The following BCKDHB variants were observed in gnomAD, a reference collection of about 807,000 sequenced individuals.
The protein encoded by BCKDHB is branched chain keto acid dehydrogenase E1 subunit beta.
BCKDHB carries 41 observed loss-of-function variants against 48.5 expected under a neutral mutation model. The ratio of observed to expected loss-of-function variants is 0.85; its 90% confidence interval spans 0.66 to 1.10. BCKDHB has a LOEUF of 1.10. Ranked by LOEUF, BCKDHB falls within the 50% of genes least tolerant of loss-of-function variation. The pLI, the probability that BCKDHB is intolerant of heterozygous loss-of-function variation, is 0.00. For missense variants in BCKDHB, 496 were observed against 494.2 expected (o/e 1.00, Z -0.03); for synonymous variants, 201 against 174.8 (o/e 1.15, Z -1.18).
chr6:80,343,123 TG>T (rs1770004504), intron 9 of BCKDHB, among the ~76,000 whole-genome samples: 1 of 152,168 alleles, frequency 6.6e-6, no homozygotes, highest in African/African-American at 2.4e-5. Context: ...GCTGTGGACT[TG>T]GGGTGTGAGT....
the BCKDHB span, among the ~76,000 whole-genome samples, chr6:80,397,955 TAAAC>T: frequency 6.6e-6 from 1 of 152,152 alleles, no homozygotes; most frequent in African/African-American, 2.4e-5. Context: ...ACATGGAAGT[TAAAC>T]AAGTTGCTTC....
intron 3 of BCKDHB, among the ~76,000 whole-genome samples, chr6:80,141,181 G>A (rs1481104012): frequency 1.3e-5 from 2 of 151,918 alleles, no homozygotes; most frequent in Non-Finnish European, 2.9e-5. Flanking sequence ...GCGTCTATTC[G>A]ATTCTTCTCT....
At position 80,106,741 on chromosome 6, in the gene BCKDHB, G is replaced by T. The variant is rs998893388; in HGVS notation, c.48G>T (p.Ala16=). 4 of 1,565,750 alleles carry T rather than the reference G, an allele frequency of 2.6e-6. No homozygotes were observed. Among genetic ancestry groups the T allele is most frequent in the African/African-American group, 2.7e-5 (2 of 73,610 alleles). Residue 16 remains alanine, a synonymous_variant, in exon 1 of 10, where the codon GCG becomes GCT. Coordinates refer to ENST00000320393, the MANE Select transcript of BCKDHB (RefSeq NM_183050.4). ...AAAGWLLRLR[A]AGAEGHWRRL... The stretch of plus-strand genomic sequence containing the variant: ...CCGGCTGGCTACTCAGGCTCAGGGC[G>T]GCAGGGGCTGAGGGGCACTGGCGTC...
chr6:80,178,693 T>C (rs2505944), intron 6 of BCKDHB, among the ~76,000 whole-genome samples: 93,818 of 152,016 alleles, frequency 0.62, 29,240 homozygotes, highest in South Asian at 0.76. Flanking sequence ...CTGTCATTAT[T>C]GCCATTTTAT....
chr6:80,427,626 G>T, the BCKDHB span, among the ~76,000 whole-genome samples: 1 of 151,370 alleles, frequency 6.6e-6, no homozygotes, highest in Non-Finnish European at 1.5e-5. Context: ...ATTTCTTTTT[G>T]TGCCTGACTG....
chr6:80,181,305 A>G (rs1773401622), intron 6 of BCKDHB, among the ~76,000 whole-genome samples: 1 of 152,206 alleles, frequency 6.6e-6, no homozygotes, highest in Non-Finnish European at 1.5e-5. Context: ...GTTGTACACA[A>G]TATTATAATT....
chr6:80,426,872 A>G, the BCKDHB span, among the ~76,000 whole-genome samples: 2 of 152,108 alleles, frequency 1.3e-5, no homozygotes, highest in Non-Finnish European at 2.9e-5. Context: ...TGTATAACCT[A>G]TTGATTTTCT....
At chr6:80,356,416 ATGAT>A in the BCKDHB span, 2 of 152,208 alleles carry the variant, frequency 1.3e-5, no homozygotes, top group Non-Finnish European at 2.9e-5. Flanking sequence ...GTATATCCAT[ATGAT>A]CAGGTACAAT....
the BCKDHB span, among the ~76,000 whole-genome samples, chr6:80,451,453 T>C: frequency 6.6e-6 from 1 of 152,126 alleles, no homozygotes; most frequent in East Asian, 1.9e-4. Context: ...CACTAGAAAG[T>C]GGCATTCTTG....
chr6:80,158,360 A>G (rs994534439), intron 3 of BCKDHB, among the ~76,000 whole-genome samples: 5 of 152,200 alleles, frequency 3.3e-5, no homozygotes, highest in Non-Finnish European at 5.9e-5. Context: ...AGTGTTCAGA[A>G]TAATAGGGTA....
intron 3 of BCKDHB, among the ~76,000 whole-genome samples, chr6:80,135,136 G>A (rs1369550405): frequency 6.6e-6 from 1 of 152,036 alleles, no homozygotes; most frequent in Admixed American, 6.6e-5. Context: ...TGAAATTAAT[G>A]TCTTTAACAG....
chr6:80,313,276 G>T (rs1768259649), intron 9 of BCKDHB, among the ~76,000 whole-genome samples: 1 of 152,018 alleles, frequency 6.6e-6, no homozygotes, highest in South Asian at 2.1e-4. Context: ...GTAATATCCT[G>T]ATTATTTAAT....
chr6:80,146,578 A>G (rs1287527899), intron 3 of BCKDHB, among the ~76,000 whole-genome samples: 1 of 152,132 alleles, frequency 6.6e-6, no homozygotes, highest in African/African-American at 2.4e-5. Flanking sequence ...AAAATGTTGG[A>G]AGCTGGAAGG....
At chr6:80,420,312 A>C in the BCKDHB span, among the ~76,000 whole-genome samples, 1 of 152,120 alleles carries the variant, frequency 6.6e-6, no homozygotes, top group African/African-American at 2.4e-5. Flanking sequence ...TTGGGAGAAA[A>C]AGGCCTTCTA....
At chr6:80,434,364 T>C in the BCKDHB span, among the ~76,000 whole-genome samples, 2 of 151,574 alleles carry the variant, frequency 1.3e-5, no homozygotes, top group Admixed American at 6.6e-5. Flanking sequence ...AATAATACTC[T>C]ACAAAGTAGA....
intron 8 of BCKDHB, among the ~76,000 whole-genome samples, chr6:80,224,088 A>G (rs1030168811): frequency 3.9e-5 from 6 of 152,192 alleles, no homozygotes; most frequent in African/African-American, 1.4e-4. Context: ...AATGTTTCAC[A>G]ATTATGAGTT....
chr6:80,277,740 T>A (rs188856276), intron 9 of BCKDHB, among the ~76,000 whole-genome samples: 39 of 151,334 alleles, frequency 2.6e-4, no homozygotes, highest in African/African-American at 8.5e-4. Flanking sequence ...TAAGTTTCCA[T>A]ACCATTGTTA....
In BCKDHB at chr6:80,169,023, G is replaced by A. The variant is rs1402739320; in HGVS notation, c.626G>A (p.Gly209Glu). The A allele has an allele frequency of 2.5e-6, 4 of 1,613,962 alleles. No individual in the cohort carries two copies. Among genetic ancestry groups the A allele is most frequent in the Non-Finnish European group, 3.4e-6 (4 of 1,179,860 alleles). The change falls in exon 5 of 10, where the codon GGA becomes GAA. Residue 209 changes from glycine to glutamate, a missense_variant. Coordinates refer to ENST00000320393, the MANE Select transcript of BCKDHB (RefSeq NM_183050.4). ...SPEAFFAHCP[G>E]IKVVIPRSPF... ...GAAGCATTTTTTGCCCATTGCCCAG[G>A]AATCAAGGTATGTTCATTTATGTAC...
chr6:80,112,966 G>A (rs1769491743), intron 1 of BCKDHB, among the ~76,000 whole-genome samples: 1 of 152,174 alleles, frequency 6.6e-6, no homozygotes, highest in Non-Finnish European at 1.5e-5. Flanking sequence ...TAGAGTGTTA[G>A]CCATGAACTT....
Sources: allele counts gnomAD v4.1 joint callset (sites outside exome capture counted in the v4.1 genomes callset), GRCh38; gene constraint gnomAD v4.1.1; transcripts MANE v1.5; gene names NCBI Gene and HGNC (gene_info 2026-07-23, HGNC 2026-07-21).